TEF: variants seen among roughly 807,000 people sequenced by gnomAD.
TEF encodes the protein thyrotroph embryonic factor.
A neutral mutation model predicts 20.8 loss-of-function variants in TEF; 3 were observed. That is an observed-to-expected ratio of 0.14 (90% CI 0.07 to 0.37). The LOEUF (loss-of-function observed/expected upper bound fraction) is 0.37, where lower values mean the gene tolerates loss of function less well. TEF is among the 10% of genes least tolerant of loss of function. TEF has a pLI of 1.00. For missense variants in TEF, 296 were observed against 397.9 expected, an observed-to-expected ratio of 0.74 and a Z score of 2.18; for synonymous variants, 180 against 171.1, an observed-to-expected ratio of 1.05 and a Z score of -0.41.
chr22:41,386,425 A>C (rs1221800652), intron 1 of TEF, among the ~76,000 whole-genome samples: 1 of 149,654 alleles, frequency 6.7e-6, no homozygotes, highest in Middle Eastern at 3.2e-3. Flanking sequence ...TGGGCAACAG[A>C]GCGAAGCTCC....
At chr22:41,390,397 G>A (rs965277899) in intron 2 of TEF, among the ~76,000 whole-genome samples, 1 of 151,836 alleles carries the variant, frequency 6.6e-6, no homozygotes, top group African/African-American at 2.4e-5. Context: ...TTTTGTAATG[G>A]TGGACCTATG....
In TEF at chr22:41,396,412, C is replaced by CA. The variant is rs2037228997; in HGVS notation, c.*453dup. Reference sequence around the variant, plus strand: ...GCGTTTCCACTTAAGGTGTGTCTGTCACGCACCTCATTCTCCCCAGACAGT... The same window carrying CA: ...GCGTTTCCACTTAAGGTGTGTCTGTCAACGCACCTCATTCTCCCCAGACAGT... On this transcript the variant is annotated 3_prime_UTR_variant, in exon 4 of 4. Transcript: ENST00000266304. 2 of 171,058 alleles carry CA rather than the reference C, an allele frequency of 1.2e-5. No homozygotes were observed. The highest frequency in any genetic ancestry group is 3.2e-4 in the South Asian group (2 of 6,196). 10.6% of individuals were successfully genotyped at this position (171,058 alleles called of 1,614,324 possible). A position where few individuals can be genotyped will look rare whatever the true frequency, so the allele number is the denominator to read the frequency against.
At position 41,397,959 on chromosome 22, in the gene TEF, G is replaced by A. The variant is rs1329345068; in HGVS notation, c.*1999G>A. On this transcript the variant is annotated 3_prime_UTR_variant, in exon 4 of 4. Transcript: ENST00000266304. The stretch of plus-strand genomic sequence containing the variant: ...TGGACACTAAATCTCTGGTGTCCAT[G>A]TTCCGAGCCCGGTGGCTGGGATGGT... The A allele has an allele frequency of 6.6e-6, 1 of 152,208 alleles. No individual in the cohort carries two copies. The highest frequency in any genetic ancestry group is 1.5e-5 in the Non-Finnish European group (1 of 68,042). The allele number at this position is 152,208 out of a possible 1,614,324, so 9.4% of individuals were successfully genotyped here. A position where few individuals can be genotyped will look rare whatever the true frequency, so the allele number is the denominator to read the frequency against.
chr22:41,382,782 TG>T (rs1033769626), intron 1 of TEF, among the ~76,000 whole-genome samples: 9 of 128,876 alleles, frequency 7.0e-5, no homozygotes, highest in African/African-American at 8.6e-5. Flanking sequence ...GCTGAGCGGG[TG>T]GGGGGGGTGT....
Position 41,397,488 on chromosome 22 carries a change from T to G in TEF, c.*1528T>G, listed in dbSNP as rs1601828360. 5.9e-6 allele frequency: 1 copy of G among 168,114 alleles called. No homozygotes were observed. Among genetic ancestry groups the G allele is most frequent in the Non-Finnish European group, 1.3e-5 (1 of 78,558 alleles). The allele number at this position is 168,114 out of a possible 1,614,324, so 10.4% of individuals were successfully genotyped here. A position where few individuals can be genotyped will look rare whatever the true frequency, so the allele number is the denominator to read the frequency against. Reference sequence around the variant, plus strand: ...CGTCCTCCGTAACACTGGCTTTATTTACCGTGGTGGTTCAGAGTCCCAGGC... The same window carrying G: ...CGTCCTCCGTAACACTGGCTTTATTGACCGTGGTGGTTCAGAGTCCCAGGC... On this transcript the variant is annotated 3_prime_UTR_variant, in exon 4 of 4. Coordinates refer to ENST00000266304, the MANE Select transcript of TEF (RefSeq NM_003216.4).
intron 3 of TEF, among the ~76,000 whole-genome samples, chr22:41,395,043 G>A (rs1032533041): frequency 2.0e-5 from 3 of 152,146 alleles, no homozygotes; most frequent in African/African-American, 7.2e-5. Context: ...GTCTCACTTT[G>A]TCACCCAGGC....
At chr22:41,370,577 T>C (rs2036872529) in intron 1 of TEF, among the ~76,000 whole-genome samples, 1 of 151,950 alleles carries the variant, frequency 6.6e-6, no homozygotes, top group African/African-American at 2.4e-5. Flanking sequence ...CACGCCCGGC[T>C]AATTTTTGTA....
chr22:41,385,550 CAG>C (rs2037087876), intron 1 of TEF, among the ~76,000 whole-genome samples: 1 of 152,122 alleles, frequency 6.6e-6, no homozygotes, highest in Non-Finnish European at 1.5e-5. Context: ...GGGAACAGGA[CAG>C]GGGAACACAG....
intron 2 of TEF, among the ~76,000 whole-genome samples, chr22:41,388,925 C>T (rs551819667): frequency 6.6e-6 from 1 of 152,030 alleles, no homozygotes; most frequent in Admixed American, 6.6e-5. Flanking sequence ...TCTATGTAAC[C>T]GTCACCCAGC....
At chr22:41,377,714 C>G (rs1350884074), upstream of TEF, among the ~76,000 whole-genome samples, 1 of 152,180 alleles carries the variant, frequency 6.6e-6, no homozygotes, top group South Asian at 2.1e-4. Flanking sequence ...CGATAGAGAA[C>G]GTGTTTGCAA....
intron 2 of TEF, among the ~76,000 whole-genome samples, chr22:41,391,972 C>T (rs1439686879): frequency 2.6e-5 from 4 of 152,148 alleles, no homozygotes; most frequent in Admixed American, 2.6e-4. Flanking sequence ...ATGCAGCTTT[C>T]CCCACTAGAA....
chr22:41,393,483 G>T (rs905957668), intron 2 of TEF, among the ~76,000 whole-genome samples: 1 of 152,138 alleles, frequency 6.6e-6, no homozygotes, highest in Admixed American at 6.5e-5. Flanking sequence ...TAGGCTGGGC[G>T]CAGTGGCTCA....
intron 1 of TEF, chr22:41,369,268 C>T: frequency 1.0e-6 from 1 of 985,266 alleles, no homozygotes; most frequent in Non-Finnish European, 1.2e-6. Flanking sequence ...CCCTCCCTCA[C>T]TGTGGATGAG....
intron 3 of TEF, among the ~76,000 whole-genome samples, chr22:41,395,240 A>G (rs1266369813): frequency 1.3e-5 from 2 of 152,146 alleles, no homozygotes; most frequent in Admixed American, 1.3e-4. Context: ...TCCTCACCTC[A>G]AGTGATCCAC....
intron 2 of TEF, among the ~76,000 whole-genome samples, chr22:41,393,080 C>T (rs1228990244): frequency 2.0e-5 from 3 of 151,936 alleles, no homozygotes; most frequent in Non-Finnish European, 4.4e-5. Flanking sequence ...GTGGCTCACA[C>T]CTGTAATCCC....
At chr22:41,387,789 G>A in intron 2 of TEF, 121 bp downstream of exon 2, 1 of 1,035,296 alleles carries the variant, frequency 9.7e-7, no homozygotes, top group Non-Finnish European at 1.4e-6. Flanking sequence ...TCCTGGTGGG[G>A]CTGCAGTGTG....
intron 1 of TEF, chr22:41,370,092 T>G: frequency 1.0e-6 from 1 of 984,540 alleles, no homozygotes; most frequent in Middle Eastern, 5.2e-4. Flanking sequence ...AGCCTCTCAC[T>G]CCACTTTCTT....
chr22:41,381,998 G>C lies in TEF; in HGVS notation c.-47G>C, dbSNP rs934020715. 1.2e-5 allele frequency: 15 copies of C among 1,229,366 alleles called. No individual in the cohort carries two copies. Among genetic ancestry groups the C allele is most frequent in the East Asian group, 3.2e-5 (1 of 31,568 alleles). 76.2% of individuals were successfully genotyped at this position (1,229,366 alleles called of 1,614,324 possible). ...GGTCGCACGGCTCCGGCCCATCTCG[G>C]GGGGCGGGCGGGGGAGGCGAGGTGC... On this transcript the variant is annotated 5_prime_UTR_variant, in exon 1 of 4. Coordinates refer to ENST00000266304, the MANE Select transcript of TEF (RefSeq NM_003216.4).
At chr22:41,370,675 G>T (rs2036873856) in intron 1 of TEF, among the ~76,000 whole-genome samples, 1 of 152,188 alleles carries the variant, frequency 6.6e-6, no homozygotes, top group African/African-American at 2.4e-5. Context: ...GCCTCCCAAA[G>T]TGCTGGGATT....
Sources: allele counts gnomAD v4.1 joint callset (sites outside exome capture counted in the v4.1 genomes callset), GRCh38; gene constraint gnomAD v4.1.1; transcripts MANE v1.5; gene names NCBI Gene and HGNC (gene_info 2026-07-23, HGNC 2026-07-21).